CDC40: variants seen among roughly 807,000 people sequenced by gnomAD.
CDC40 encodes the protein pre-mRNA-processing factor 17.
In CDC40, 27 loss-of-function variants were observed where a neutral mutation model predicts 80.6. That is an observed-to-expected ratio of 0.33 (90% CI 0.25 to 0.46). The LOEUF is 0.46. CDC40 is among the 20% of genes least tolerant of loss of function. CDC40 has a pLI of 1.00. For synonymous variants in CDC40, 221 were observed against 232.6 expected, an observed-to-expected ratio of 0.95 and a Z score of 0.45; for missense variants, 486 against 694.1, an observed-to-expected ratio of 0.70 and a Z score of 3.37.
chr6:110,202,831 G>A (rs1777510639), intron 3 of CDC40, among the ~76,000 whole-genome samples: 1 of 150,736 alleles, frequency 6.6e-6, no homozygotes, highest in Non-Finnish European at 1.5e-5. Flanking sequence ...TAAAATAAAG[G>A]CAGCCTATAG....
chr6:110,219,164 T>C (rs187096039), intron 10 of CDC40, among the ~76,000 whole-genome samples, 200 bp from the exon 11 acceptor site: 1 of 152,288 alleles, frequency 6.6e-6, no homozygotes, highest in East Asian at 1.9e-4. Context: ...CTACAATTGG[T>C]AGTACCGATT....
At chr6:110,188,019 A>G (rs922018129) in intron 1 of CDC40, among the ~76,000 whole-genome samples, 2 of 152,122 alleles carry the variant, frequency 1.3e-5, no homozygotes, top group Non-Finnish European at 2.9e-5. Flanking sequence ...GAGTTGTTCA[A>G]TTTGTTCTAT....
chr6:110,180,707 T>TACC, intron 1 of CDC40, 74 bp downstream of exon 1: 1 of 1,038,814 alleles, frequency 9.6e-7, no homozygotes, highest in Non-Finnish European at 1.5e-6. Flanking sequence ...GCTTGTTAGG[T>TACC]ACCGGGTTAC....
intron 14 of CDC40, among the ~76,000 whole-genome samples, chr6:110,229,179 AG>A (rs1434504071): frequency 6.6e-6 from 1 of 152,212 alleles, no homozygotes; most frequent in Non-Finnish European, 1.5e-5. Flanking sequence ...TTCTTGCTTC[AG>A]TATATTCCCT....
chr6:110,183,220 C>T (rs1315860515), intron 1 of CDC40, among the ~76,000 whole-genome samples: 1 of 152,202 alleles, frequency 6.6e-6, no homozygotes, highest in Non-Finnish European at 1.5e-5. Context: ...ACTTGTTCAT[C>T]TTTTTCTTTC....
intron 2 of CDC40, among the ~76,000 whole-genome samples, chr6:110,197,334 A>G (rs1347173042): frequency 5.9e-5 from 9 of 152,230 alleles, no homozygotes. Context: ...AATTGTATAT[A>G]TTTACAATGT....
chr6:110,200,570 T>TTAA (rs1777482218), intron 2 of CDC40, among the ~76,000 whole-genome samples: 1 of 152,188 alleles, frequency 6.6e-6, no homozygotes, highest in African/African-American at 2.4e-5. Flanking sequence ...TAGTATTAAA[T>TTAA]TAATAGCACT....
rs1162045311 is a variant in CDC40, at chr6:110,212,163, C to G, written c.758C>G (p.Ser253Cys). The G allele has an allele frequency of 6.2e-7, 1 of 1,613,362 alleles. No individual in the cohort carries two copies. The highest frequency in any genetic ancestry group is 1.7e-5 in the Admixed American group (1 of 60,002). Residue 253 changes from serine to cysteine, a missense_variant, in exon 7 of 15, where the codon TCC (serine) becomes TGC (cysteine). By Grantham distance (112) the Ser-to-Cys change is moderately radical (BLOSUM62 -1). Transcript: ENST00000307731. Reference protein sequence around the residue: ...VKEMYDYQGRSYLHIPQDVGV... With the variant: ...VKEMYDYQGRCYLHIPQDVGV... ...GAAATGTATGACTATCAAGGCAGGT[C>G]CTATCTTCACATACCTCAGGATGTT...
At chr6:110,207,263 C>G (rs1005872066) in intron 3 of CDC40, among the ~76,000 whole-genome samples, 1 of 145,988 alleles carries the variant, frequency 6.8e-6, no homozygotes, top group African/African-American at 2.5e-5. Flanking sequence ...TGCAGTGAGC[C>G]GAGATTACAC....
At chr6:110,193,694 T>C (rs1777382158) in intron 2 of CDC40, among the ~76,000 whole-genome samples, 1 of 152,220 alleles carries the variant, frequency 6.6e-6, no homozygotes, top group Non-Finnish European at 1.5e-5. Flanking sequence ...CATGAGCCAC[T>C]GCGCCCAGCC....
chr6:110,184,370 G>A (rs1777238105), intron 1 of CDC40, among the ~76,000 whole-genome samples: 1 of 149,704 alleles, frequency 6.7e-6, no homozygotes. Context: ...ATTTGTTTAG[G>A]CCTTTTTTTA....
At chr6:110,229,032 T>C in intron 14 of CDC40, 56 bp downstream of exon 14, 1 of 1,363,988 alleles carries the variant, frequency 7.3e-7, no homozygotes, top group South Asian at 1.3e-5. Flanking sequence ...TATAAACTGT[T>C]GTTGTACAAA....
intron 12 of CDC40, among the ~76,000 whole-genome samples, chr6:110,225,776 G>C (rs1051603546): frequency 2.6e-5 from 4 of 152,164 alleles, no homozygotes; most frequent in Non-Finnish European, 5.9e-5. Flanking sequence ...ACAGCTTTTG[G>C]AGTAAAAGTG....
chr6:110,180,658 G>A, intron 1 of CDC40, 25 bp downstream of exon 1: 3 of 1,570,400 alleles, frequency 1.9e-6, no homozygotes, highest in South Asian at 1.1e-5. Context: ...TACTAATGCA[G>A]TGTGGGAATT....
At chr6:110,200,515 AAAAC>A (rs1162309429) in intron 2 of CDC40, among the ~76,000 whole-genome samples, 1 of 152,178 alleles carries the variant, frequency 6.6e-6, no homozygotes, top group African/African-American at 2.4e-5. Flanking sequence ...TCTTTATTTA[AAAAC>A]AAACAAAAAA....
intron 1 of CDC40, among the ~76,000 whole-genome samples, chr6:110,191,802 A>G (rs1197209499): frequency 6.6e-6 from 1 of 152,174 alleles, no homozygotes; most frequent in African/African-American, 2.4e-5. Context: ...TGGAGGGGAA[A>G]TTCTCAACCA....
rs771659826 is a variant in CDC40 at position 110,209,080 on chromosome 6, G to A, written c.491-4G>A. 2.6e-5 allele frequency: 37 copies of A among 1,450,234 alleles called. No homozygotes were observed. Among genetic ancestry groups the A allele is most frequent in the Middle Eastern group, 1.9e-4 (1 of 5,390 alleles). The allele number at this position is 1,450,234 out of a possible 1,614,324, so 89.8% of individuals were successfully genotyped here. Reference sequence around the variant, plus strand: ...TTTTTTTAATTTTTTTTTTGTTAACGTAGGTTTAACTGTATTTGAAACTGG... The same window carrying A: ...TTTTTTTAATTTTTTTTTTGTTAACATAGGTTTAACTGTATTTGAAACTGG... On this transcript the variant is annotated splice_polypyrimidine_tract_variant and splice_region_variant and intron_variant, in intron 4 of 14. Transcript: ENST00000307731.
Position 110,205,898 on chromosome 6 carries a change from C to T in CDC40, c.407-1608C>T, listed in dbSNP as rs533625113. 3.3e-5 allele frequency among the ~76,000 whole-genome samples: 5 copies of T among 152,156 alleles called. No individual in the cohort carries two copies. In the South Asian group the frequency reaches 1.0e-3, roughly 32 times the overall value. On this transcript the variant is annotated intron_variant, in intron 3 of 14. Transcript: ENST00000307731. ...ACAAAATAACTCATGGGATTTGAAC[C>T]TGTGATTTCAGAGATTCTACTCCAA...
chr6:110,187,555 C>T (rs957868294), intron 1 of CDC40, among the ~76,000 whole-genome samples: 2 of 152,112 alleles, frequency 1.3e-5, no homozygotes, highest in Non-Finnish European at 2.9e-5. Flanking sequence ...TTATATCATT[C>T]ACCTAAATTC....
Sources: gnomAD v4.1 joint callset for allele counts (sites outside exome capture counted in the v4.1 genomes callset) on GRCh38, gnomAD v4.1.1 for gene constraint, MANE v1.5 for transcripts, NCBI Gene and HGNC (gene_info 2026-07-23, HGNC 2026-07-21) for gene names.